STRADB: variants seen among roughly 807,000 people sequenced by gnomAD.
The protein encoded by STRADB is STE20-related kinase adapter protein beta.
A neutral mutation model predicts 52.1 loss-of-function variants in STRADB; 34 were observed. The observed-to-expected ratio is 0.65, with a 90% confidence interval of 0.50 to 0.87. The LOEUF (loss-of-function observed/expected upper bound fraction) is 0.87, where lower values mean the gene tolerates loss of function less well. STRADB is among the 40% of genes least tolerant of loss of function. STRADB has a pLI of 0.00. For synonymous variants in STRADB, 133 were observed against 174.5 expected, an observed-to-expected ratio of 0.76 and a Z score of 1.87; for missense variants, 340 against 483.9, an observed-to-expected ratio of 0.70 and a Z score of 2.79.
chr2:201,464,470 C>T (rs1952267283), intron 3 of STRADB, among the ~76,000 whole-genome samples: 1 of 152,184 alleles, frequency 6.6e-6, no homozygotes, highest in Admixed American at 6.5e-5. Context: ...GCTGAGCTGC[C>T]TGGAGCTGGG....
rs147913106 is a variant in STRADB, at chr2:201,456,500, C to A, written c.12+1648C>A. On this transcript the variant is annotated intron_variant, in intron 2 of 11. Coordinates refer to ENST00000194530, the MANE Select transcript of STRADB (RefSeq NM_018571.6). The stretch of plus-strand genomic sequence containing the variant: ...GAATGTGATAATGGGTGATTTATAT[C>A]GTTAATGATTGTAACTTTAAATCAC... Among the ~76,000 whole-genome samples, 1,067 of 152,214 alleles carry A rather than the reference C, an allele frequency of 7.0e-3. 4 individuals carry two copies. Among genetic ancestry groups the A allele is most frequent in the South Asian group, 0.02 (96 of 4,824 alleles).
At chr2:201,460,533 C>T (rs1257284036) in intron 3 of STRADB, among the ~76,000 whole-genome samples, 2 of 152,042 alleles carry the variant, frequency 1.3e-5, no homozygotes, top group Non-Finnish European at 2.9e-5. Flanking sequence ...CTCTGCCCTG[C>T]ACCCCTTCTT....
intron 2 of STRADB, 55 bp from the exon 3 acceptor site, chr2:201,458,729 C>T: frequency 6.6e-7 from 1 of 1,517,160 alleles, no homozygotes; most frequent in Non-Finnish European, 9.1e-7. Context: ...TACATACCAC[C>T]CCTGCTTATC....
At position 201,478,616 on chromosome 2, in the gene STRADB, T is replaced by C; in HGVS notation, c.1070+15T>C. The stretch of plus-strand genomic sequence containing the variant: ...CCTGAGAAAAGGTAATATTGATCTC[T>C]TTTAAATAGCACAAAATGTACATGT... On this transcript the variant is annotated intron_variant, in intron 10 of 11. Transcript: ENST00000194530. 6.2e-7 allele frequency: 1 copy of C among 1,610,286 alleles called. No homozygotes were observed. Among genetic ancestry groups the C allele is most frequent in the Non-Finnish European group, 8.5e-7 (1 of 1,178,468 alleles).
intron 4 of STRADB, among the ~76,000 whole-genome samples, chr2:201,471,835 A>T (rs1574290330): frequency 6.6e-6 from 1 of 152,328 alleles, no homozygotes; most frequent in South Asian, 2.1e-4. Context: ...ATTTTGCAGT[A>T]GTTCCCTCAG....
intron 3 of STRADB, among the ~76,000 whole-genome samples, chr2:201,463,486 C>A (rs1576557406): frequency 6.6e-6 from 1 of 151,992 alleles, no homozygotes; most frequent in African/African-American, 2.4e-5. Context: ...AGTATCCTTT[C>A]TTTATCCTTG....
chr2:201,468,678 A>G (rs1261803659), intron 3 of STRADB, among the ~76,000 whole-genome samples: 7 of 152,218 alleles, frequency 4.6e-5, no homozygotes, highest in Admixed American at 3.9e-4. Flanking sequence ...ATTTTAGTCC[A>G]TCACCCAGTA....
At chr2:201,479,368 T>A (rs1952533655) in intron 10 of STRADB, 121 bp from the exon 11 acceptor site, 1 of 863,806 alleles carries the variant, frequency 1.2e-6, no homozygotes, top group South Asian at 1.7e-5. Context: ...ACATACATTC[T>A]TTTTAATCTT....
Position 201,472,901 on chromosome 2 carries a change from T to C in STRADB, c.194-54T>C. 3 of 1,525,316 alleles carry C rather than the reference T, an allele frequency of 2.0e-6. No homozygotes were observed. The Admixed American group carries it at 6.5e-5, about 33-fold the overall frequency. 94.5% of individuals were successfully genotyped at this position (1,525,316 alleles called of 1,614,324 possible). On this transcript the variant is annotated intron_variant, in intron 4 of 11. Transcript: ENST00000194530. Reference sequence around the variant, plus strand: ...TTTTCAATTTTGATGATGTCTAAATTGTCAGTTTTTTTTCTTCTTTGGTTA... The same window carrying C: ...TTTTCAATTTTGATGATGTCTAAATCGTCAGTTTTTTTTCTTCTTTGGTTA...
At chr2:201,472,742 A>G (rs971877327) in intron 4 of STRADB, 22 of 386,346 alleles carry the variant, frequency 5.7e-5, no homozygotes, top group South Asian at 3.5e-4. Context: ...GGCTGTTCCT[A>G]TATCTTATTT....
intron 7 of STRADB, among the ~76,000 whole-genome samples, chr2:201,476,764 C>T (rs1272849305): frequency 1.3e-5 from 2 of 150,130 alleles, no homozygotes; most frequent in Non-Finnish European, 3.0e-5. Flanking sequence ...CACTTGAGGT[C>T]ATGAGTTTGA....
rs1952516426 is a variant in STRADB, at chr2:201,478,500, C to T, written c.969C>T (p.His323=). The T allele has an allele frequency of 6.2e-7, 1 of 1,614,012 alleles. No individual in the cohort carries two copies. The highest frequency in any genetic ancestry group is 8.5e-7 in the Non-Finnish European group (1 of 1,180,018). Residue 323 remains histidine (H), a synonymous_variant, in exon 10 of 12, where the codon CAC becomes CAT. Transcript: ENST00000194530. ...GTGTGCTTGTCTCCAGTGGAACTCA[C>T]ACAGTAAATAGTGACCGATTACACA... ...GESVLVSSGT[H]TVNSDRLHTP...
chr2:201,474,910 G>A (rs1392031220), intron 6 of STRADB, among the ~76,000 whole-genome samples, 155 bp downstream of exon 6: 1 of 152,210 alleles, frequency 6.6e-6, no homozygotes, highest in Admixed American at 6.5e-5. Context: ...GGTACATGTT[G>A]AATTTTAGTC....
Position 201,480,432 on chromosome 2 carries a change from G to A in STRADB, c.*257G>A, listed in dbSNP as rs989326442. On this transcript the variant is annotated 3_prime_UTR_variant, in exon 12 of 12. Transcript: ENST00000194530. ...TTATTCTGGAATTTTTTTCTAAGCT[G>A]TGACTAACTCTTTTTATCTCTCAAT... 1.5e-5 allele frequency: 18 copies of A among 1,211,592 alleles called. No individual in the cohort carries two copies. The highest frequency in any genetic ancestry group is 1.7e-5 in the Non-Finnish European group (17 of 972,896). The allele number at this position is 1,211,592 out of a possible 1,614,324, so 75.1% of individuals were successfully genotyped here. A position where few individuals can be genotyped will look rare whatever the true frequency, so the allele number is the denominator to read the frequency against.
chr2:201,479,806 T>A (rs982403020), intron 11 of STRADB, among the ~76,000 whole-genome samples: 2 of 152,226 alleles, frequency 1.3e-5, no homozygotes, highest in African/African-American at 4.8e-5. Flanking sequence ...ACATTTTCTA[T>A]GTTGGCTAGA....
intron 3 of STRADB, among the ~76,000 whole-genome samples, chr2:201,459,821 A>C (rs991450824): frequency 1.3e-5 from 2 of 152,112 alleles, no homozygotes; most frequent in African/African-American, 4.8e-5. Flanking sequence ...CTGGTGTAGA[A>C]TATGTCTTAG....
chr2:201,478,396 T>C lies in STRADB; in HGVS notation c.865T>C (p.Leu289=), dbSNP rs1447046787. 2 of 1,614,056 alleles carry C rather than the reference T, an allele frequency of 1.2e-6. No homozygotes were observed. Among genetic ancestry groups the C allele is most frequent in the African/African-American group, 1.3e-5 (1 of 74,928 alleles). The change falls in exon 10 of 12, where the codon TTG becomes CTG. Residue 289 remains leucine, a synonymous_variant. Coordinates refer to ENST00000194530, the MANE Select transcript of STRADB (RefSeq NM_018571.6). ...ACTGAAAGGTCCTCCTTATAGCCCA[T>C]TGGATATCAGTATTTTCCCTCAATC... ...QKLKGPPYSP[L]DISIFPQSES...
intron 1 of STRADB, among the ~76,000 whole-genome samples, chr2:201,452,263 C>G (rs1465776398): frequency 1.3e-5 from 2 of 152,148 alleles, no homozygotes; most frequent in Admixed American, 6.5e-5. Flanking sequence ...TCCCCGCACC[C>G]CTCACCTTTG....
intron 3 of STRADB, among the ~76,000 whole-genome samples, chr2:201,460,234 G>GT (rs1399081730): frequency 1.3e-5 from 2 of 151,784 alleles, no homozygotes; most frequent in South Asian, 2.1e-4. Context: ...TATCTGAGGG[G>GT]TTTTTTAAAA....
Sources: gnomAD v4.1 joint callset for allele counts (sites outside exome capture counted in the v4.1 genomes callset) on GRCh38, gnomAD v4.1.1 for gene constraint, MANE v1.5 for transcripts, NCBI Gene and HGNC (gene_info 2026-07-23, HGNC 2026-07-21) for gene names.